The following PLD5 variants were observed in gnomAD, a reference collection of about 807,000 sequenced individuals.
PLD5 encodes inactive phospholipase D5.
Under a neutral mutation model 61.1 loss-of-function variants are expected in PLD5, and 36 were observed. That is an observed-to-expected ratio of 0.59 (90% confidence interval 0.45 to 0.78). PLD5 has a LOEUF of 0.78. PLD5 is among the 30% of genes least tolerant of loss of function. The pLI, the probability that PLD5 is intolerant of heterozygous loss-of-function variation, is 0.00. For missense variants in PLD5, 515 were observed against 644.4 expected (o/e 0.80, Z 2.17); for synonymous variants, 243 against 242.8 (o/e 1.00, Z -0.01).
intron 8 of PLD5, among the ~76,000 whole-genome samples, chr1:242,102,971 C>A (rs1031916886): frequency 2.0e-5 from 3 of 152,138 alleles, no homozygotes; most frequent in South Asian, 4.1e-4. Context: ...TAAATGAGAG[C>A]AGTTGACATT....
intron 5 of PLD5, among the ~76,000 whole-genome samples, chr1:242,182,896 T>A (rs1457231436): frequency 6.6e-6 from 1 of 152,054 alleles, no homozygotes; most frequent in African/African-American, 2.4e-5. Context: ...CATAGTACCA[T>A]CTAAAGAAAA....
chr1:242,127,778 C>T (rs1662915637), intron 5 of PLD5, among the ~76,000 whole-genome samples: 1 of 152,092 alleles, frequency 6.6e-6, no homozygotes, highest in African/African-American at 2.4e-5. Context: ...TAATCAAATA[C>T]CACCAGTTGC....
chr1:242,141,402 ACTC>A (rs71706744), intron 5 of PLD5, among the ~76,000 whole-genome samples: 31,178 of 151,612 alleles, frequency 0.21, 3,294 homozygotes, highest in Middle Eastern at 0.22. Context: ...CTGGTTCTCC[ACTC>A]CTCCTACTTT....
chr1:242,481,193 G>A (rs1374344668), intron 1 of PLD5, among the ~76,000 whole-genome samples: 2 of 152,170 alleles, frequency 1.3e-5, no homozygotes, highest in Non-Finnish European at 2.9e-5. Flanking sequence ...ATCTCACTGG[G>A]GATTGTCAGA....
chr1:242,201,907 A>G (rs1392856950), intron 5 of PLD5, among the ~76,000 whole-genome samples: 1 of 152,172 alleles, frequency 6.6e-6, no homozygotes, highest in Non-Finnish European at 1.5e-5. Context: ...GTCTATCACT[A>G]TGCCCAACAT....
At chr1:242,428,695 T>A (rs1665561178) in intron 1 of PLD5, among the ~76,000 whole-genome samples, 2 of 151,582 alleles carry the variant, frequency 1.3e-5, no homozygotes, top group Admixed American at 1.3e-4. Context: ...TGTAATCTCA[T>A]ATTGTAATTC....
upstream of PLD5, among the ~76,000 whole-genome samples, chr1:242,529,385 T>G (rs1223340332): frequency 2.0e-5 from 3 of 152,206 alleles, no homozygotes; most frequent in Non-Finnish European, 4.4e-5. Context: ...CCTACTCCAG[T>G]CACTGTGTGG....
chr1:242,361,790 C>T (rs1414849100), intron 1 of PLD5, among the ~76,000 whole-genome samples: 2 of 152,186 alleles, frequency 1.3e-5, no homozygotes, highest in South Asian at 2.1e-4. Flanking sequence ...AAGTATTACA[C>T]TTGAAATTTT....
At chr1:242,378,257 C>T (rs1381420523) in intron 1 of PLD5, among the ~76,000 whole-genome samples, 1 of 152,152 alleles carries the variant, frequency 6.6e-6, no homozygotes, top group Admixed American at 6.6e-5. Context: ...ATAATCCTGA[C>T]ACAAAAGGAT....
At chr1:242,467,684 G>A (rs1667319964) in intron 1 of PLD5, among the ~76,000 whole-genome samples, 1 of 152,154 alleles carries the variant, frequency 6.6e-6, no homozygotes, top group Non-Finnish European at 1.5e-5. Context: ...AAGTTAAACA[G>A]AACCGGCGTT....
chr1:242,405,330 G>GAGGC (rs1453363697), intron 1 of PLD5, among the ~76,000 whole-genome samples: 1 of 152,134 alleles, frequency 6.6e-6, no homozygotes, highest in Admixed American at 6.5e-5. Context: ...GGCAATGTCT[G>GAGGC]AGGCATTTCT....
At chr1:242,278,569 G>A (rs1225494826) in intron 3 of PLD5, among the ~76,000 whole-genome samples, 15 of 152,296 alleles carry the variant, frequency 9.8e-5, no homozygotes, top group Non-Finnish European at 1.9e-4. Flanking sequence ...AAAATCCACC[G>A]TGTGAGCTCT....
At chr1:242,465,320 T>G (rs1010041614) in intron 1 of PLD5, among the ~76,000 whole-genome samples, 1 of 152,198 alleles carries the variant, frequency 6.6e-6, no homozygotes, top group African/African-American at 2.4e-5. Context: ...CAGCCCAACA[T>G]GATCTTTCTT....
intron 5 of PLD5, among the ~76,000 whole-genome samples, chr1:242,213,733 A>G (rs955381143): frequency 6.6e-6 from 1 of 150,688 alleles, no homozygotes; most frequent in Non-Finnish European, 1.5e-5. Flanking sequence ...AGAACAAGCC[A>G]CCTCTCAGAG....
chr1:242,085,666 C>A lies in PLD5; in HGVS notation c.*4188G>T, dbSNP rs1659413277. ...ATAAAGCACACCAGTTCATTGGGAA[C>A]AAGTACAGAAAGATAAAAGAATGAA... On this transcript the variant is annotated 3_prime_UTR_variant, in exon 10 of 10. Coordinates refer to ENST00000536534, the MANE Select transcript of PLD5 (RefSeq NM_001372062.1). 1 of 152,066 alleles carries A rather than the reference C, an allele frequency of 6.6e-6. No homozygotes were observed. Among genetic ancestry groups the A allele is most frequent in the African/African-American group, 2.4e-5 (1 of 41,384 alleles). The allele number at this position is 152,066 out of a possible 1,614,324, so 9.4% of individuals were successfully genotyped here.
chr1:242,166,978 C>G (rs1666346409), intron 5 of PLD5, among the ~76,000 whole-genome samples: 2 of 151,610 alleles, frequency 1.3e-5, no homozygotes, highest in African/African-American at 4.8e-5. Context: ...AGAATGAAGC[C>G]TAATTTGCCT....
chr1:242,157,411 T>C (rs1665469899), intron 5 of PLD5, among the ~76,000 whole-genome samples: 1 of 152,216 alleles, frequency 6.6e-6, no homozygotes, highest in Admixed American at 6.5e-5. Flanking sequence ...TTAGGAGTTG[T>C]GTTCCTTTGG....
intron 2 of PLD5, among the ~76,000 whole-genome samples, chr1:242,346,482 G>A (rs1428925384): frequency 6.6e-6 from 1 of 152,100 alleles, no homozygotes; most frequent in Non-Finnish European, 1.5e-5. Flanking sequence ...CTGTAAATAT[G>A]AGTCATGGGC....
chr1:242,405,414 C>A (rs1293836160), intron 1 of PLD5, among the ~76,000 whole-genome samples: 2 of 152,110 alleles, frequency 1.3e-5, no homozygotes, highest in Non-Finnish European at 2.9e-5. Flanking sequence ...CATCATCCTA[C>A]AATGCACAGG....
Sources: gnomAD v4.1 joint callset for allele counts (sites outside exome capture counted in the v4.1 genomes callset) on GRCh38, gnomAD v4.1.1 for gene constraint, MANE v1.5 for transcripts, NCBI Gene and HGNC (gene_info 2026-07-23, HGNC 2026-07-21) for gene names.